TMCO1: variants seen among roughly 807,000 people sequenced by gnomAD.
TMCO1 encodes the protein calcium load-activated calcium channel.
Under a neutral mutation model 29.3 loss-of-function variants are expected in TMCO1, and 29 were observed. That is an observed-to-expected ratio of 0.99 (90% CI 0.74 to 1.35). TMCO1 has a LOEUF of 1.35. Ranked by LOEUF, TMCO1 falls within the 40% of genes most tolerant of loss-of-function variation. The pLI, the probability that TMCO1 is intolerant of heterozygous loss-of-function variation, is 0.00. For missense variants in TMCO1, 173 were observed against 225.5 expected (o/e 0.77, Z 1.49); for synonymous variants, 80 against 77.1 (o/e 1.04, Z -0.20).
At position 165,727,450 on chromosome 1, in the gene TMCO1, C is replaced by T. The variant is rs1650946472; in HGVS notation, c.*573G>A. 1 of 453,640 alleles carries T rather than the reference C, an allele frequency of 2.2e-6. No homozygotes were observed. The highest frequency in any genetic ancestry group is 2.4e-5 in the Admixed American group (1 of 42,504). 28.1% of individuals were successfully genotyped at this position (453,640 alleles called of 1,614,324 possible). ...GTCAAGTATGGCAAAAAGTACAGTA[C>T]CTTAAAAACTTTTATTTTAGTCCTT... On this transcript the variant is annotated 3_prime_UTR_variant, in exon 7 of 7. Coordinates refer to ENST00000367881, the MANE Select transcript of TMCO1 (RefSeq NM_019026.6).
chr1:165,726,291 C>G (rs1650887285), downstream of TMCO1: 1 of 692,818 alleles, frequency 1.4e-6, no homozygotes, highest in Non-Finnish European at 2.6e-6. Flanking sequence ...CTTCTGTTCC[C>G]TTTCATCTGC....
chr1:165,765,431 G>C (rs1319481926), intron 2 of TMCO1, among the ~76,000 whole-genome samples: 2 of 152,164 alleles, frequency 1.3e-5, no homozygotes, highest in Admixed American at 1.3e-4. Flanking sequence ...TTACAGGCAT[G>C]TGCCACCACG....
intron 6 of TMCO1, among the ~76,000 whole-genome samples, chr1:165,738,597 G>A (rs1223698523): frequency 6.6e-6 from 1 of 152,224 alleles, no homozygotes; most frequent in Non-Finnish European, 1.5e-5. Flanking sequence ...TTCAAATGCT[G>A]TTAAGGCATT....
chr1:165,732,236 G>A (rs1004912551), intron 6 of TMCO1, among the ~76,000 whole-genome samples: 1 of 152,070 alleles, frequency 6.6e-6, no homozygotes, highest in Non-Finnish European at 1.5e-5. Context: ...GTAGTCCTTA[G>A]TTATCCCTGC....
intron 6 of TMCO1, among the ~76,000 whole-genome samples, chr1:165,742,847 G>T (rs953369310): frequency 5.3e-5 from 8 of 152,138 alleles, no homozygotes; most frequent in African/African-American, 1.9e-4. Flanking sequence ...ATATAATGAA[G>T]AAATGGTACT....
Position 165,750,599 on chromosome 1 carries a change from A to G in TMCO1, c.323+1503T>C, listed in dbSNP as rs542316803. The stretch of plus-strand genomic sequence containing the variant: ...CCATTCAATGGAACATTATAAAGAC[A>G]TTTCAAAAAAGAGTAAGTTACAGAA... On this transcript the variant is annotated intron_variant, in intron 5 of 6. Transcript: ENST00000367881. Among the ~76,000 whole-genome samples, 26 of 152,164 alleles carry G rather than the reference A, an allele frequency of 1.7e-4. No individual in the cohort carries two copies. In the South Asian group the frequency reaches 5.4e-3, roughly 32 times the overall value.
intron 6 of TMCO1, among the ~76,000 whole-genome samples, chr1:165,735,624 C>T (rs986286758): frequency 5.3e-5 from 8 of 151,496 alleles, no homozygotes; most frequent in African/African-American, 1.9e-4. Flanking sequence ...AAGCGATTCT[C>T]ATGCCTCAGC....
chr1:165,724,310 AAT>A (rs752515084), downstream of TMCO1: 1 of 446,430 alleles, frequency 2.2e-6, no homozygotes, highest in South Asian at 1.6e-5. Context: ...CATCACTTTT[AAT>A]ATCTCATTAA....
At chr1:165,761,452 C>T (rs61800456) in intron 2 of TMCO1, among the ~76,000 whole-genome samples, 8,844 of 150,870 alleles carry the variant, frequency 0.059, 401 homozygotes, top group South Asian at 0.22. Flanking sequence ...GGAGGAGCTC[C>T]TGAGCCCAGG....
chr1:165,768,421 C>A, intron 1 of TMCO1, 152 bp from the exon 2 acceptor site: 1 of 1,511,520 alleles, frequency 6.6e-7, no homozygotes, highest in Non-Finnish European at 8.9e-7. Context: ...ACTGACTCTT[C>A]AGCCAAAACA....
At chr1:165,726,112 T>G, downstream of TMCO1, 1 of 696,900 alleles carries the variant, frequency 1.4e-6, no homozygotes, top group Non-Finnish European at 2.6e-6. Flanking sequence ...ATGTTTTATT[T>G]TAGCCATTTC....
chr1:165,759,598 A>G lies in TMCO1; in HGVS notation c.149-14T>C. 1.2e-6 allele frequency: 2 copies of G among 1,606,362 alleles called. No individual in the cohort carries two copies. Among genetic ancestry groups the G allele is most frequent in the Non-Finnish European group, 1.7e-6 (2 of 1,173,536 alleles). ...TCTTCTTTTCCACTGTAAACAACATAGTAACACAGTAAAAATTAACTGGAT... is the reference window on the plus strand; with the variant it reads ...TCTTCTTTTCCACTGTAAACAACATGGTAACACAGTAAAAATTAACTGGAT... On this transcript the variant is annotated splice_polypyrimidine_tract_variant and intron_variant, in intron 2 of 6. Coordinates refer to ENST00000367881, the MANE Select transcript of TMCO1 (RefSeq NM_019026.6).
At position 165,759,546 on chromosome 1, in the gene TMCO1, G is replaced by A. The variant is rs765824628; in HGVS notation, c.187C>T (p.Arg63Ter). Residue 63 changes from arginine to a stop codon, truncating the protein, a stop_gained, in exon 3 of 7, where the codon CGA becomes TGA. Coordinates refer to ENST00000367881, the MANE Select transcript of TMCO1 (RefSeq NM_019026.6). LOFTEE classifies it high-confidence loss of function. ...TTACCTATTTTCTTTTTCTGTTGTC[G>A]ACCAGCTGACTCTGTTATTGTTTCC... ...KKETITESAGRQQKKKIERQE... is the reference protein window; with the variant it reads ...KKETITESAG The A allele has an allele frequency of 8.1e-6, 13 of 1,611,278 alleles. No homozygotes were observed. Among genetic ancestry groups the A allele is most frequent in the Non-Finnish European group, 1.1e-5 (13 of 1,178,966 alleles).
rs919698436 is a variant in TMCO1, at chr1:165,726,874, A to G, written c.*1149T>C. ...TAAGTTGATACTTATTTTCCTCAGC[A>G]CTTTGAAGATACTTTTCTACTGTCT... On this transcript the variant is annotated 3_prime_UTR_variant, in exon 7 of 7. Coordinates refer to ENST00000367881, the MANE Select transcript of TMCO1 (RefSeq NM_019026.6). 1.8e-5 allele frequency: 8 copies of G among 453,996 alleles called. No homozygotes were observed. The highest frequency in any genetic ancestry group is 6.9e-5 in the East Asian group (1 of 14,394). The allele number at this position is 453,996 out of a possible 1,614,324, so 28.1% of individuals were successfully genotyped here.
chr1:165,748,681 A>G (rs773795910), intron 5 of TMCO1, among the ~76,000 whole-genome samples: 1 of 152,204 alleles, frequency 6.6e-6, no homozygotes, highest in Non-Finnish European at 1.5e-5. Context: ...AGGGAACACA[A>G]TTGGTTCCAA....
At chr1:165,768,921 G>A (rs1296877359), upstream of TMCO1, 1 of 1,540,840 alleles carries the variant, frequency 6.5e-7, no homozygotes, top group East Asian at 2.4e-5. Context: ...GGAAAGGCTC[G>A]TATCGGAGAA....
In TMCO1 at chr1:165,743,132, A is replaced by T. The variant is rs746412318; in HGVS notation, c.468+35T>A. ...GCTAATTGGTATGACAGCAAGGAAAAATATACATATTAAATGGTAGATGTG... is the reference window on the plus strand; with the variant it reads ...GCTAATTGGTATGACAGCAAGGAAATATATACATATTAAATGGTAGATGTG... On this transcript the variant is annotated intron_variant, in intron 6 of 6. Coordinates refer to ENST00000367881, the MANE Select transcript of TMCO1 (RefSeq NM_019026.6). 1.7e-5 allele frequency: 27 copies of T among 1,612,338 alleles called. 2 individuals are homozygous for T. The South Asian group carries it at 3.0e-4, about 18-fold the overall frequency.
chr1:165,768,383 T>C (rs758016796), intron 1 of TMCO1, 114 bp from the exon 2 acceptor site: 34 of 1,483,770 alleles, frequency 2.3e-5, no homozygotes, highest in Non-Finnish European at 3.0e-5. Context: ...TATTTACCCA[T>C]AGTTAACTTT....
chr1:165,747,560 G>A (rs529647479), intron 5 of TMCO1, among the ~76,000 whole-genome samples: 1 of 152,264 alleles, frequency 6.6e-6, no homozygotes, highest in African/African-American at 2.4e-5. Flanking sequence ...AAGAATAAGT[G>A]CCCCAGGAAC....
Sources: allele counts gnomAD v4.1 joint callset (sites outside exome capture counted in the v4.1 genomes callset), GRCh38; gene constraint gnomAD v4.1.1; transcripts MANE v1.5; gene names NCBI Gene and HGNC (gene_info 2026-07-23, HGNC 2026-07-21).